The following DAP variants were observed in gnomAD, a reference collection of about 807,000 sequenced individuals.
DAP encodes the protein death associated protein, also known as death-associated protein 1.
A neutral mutation model predicts 13.8 loss-of-function variants in DAP; 8 were observed. That is an observed-to-expected ratio of 0.58 (90% CI 0.34 to 1.05). DAP has a LOEUF of 1.05. Among genes scored for constraint, DAP ranks in the 50% least tolerant of loss-of-function variants. The pLI is 0.03. For missense variants in DAP, 106 were observed against 133.2 expected (o/e 0.80, Z 1.01); for synonymous variants, 47 against 47.5 (o/e 0.99, Z 0.04).
intron 2 of DAP, among the ~76,000 whole-genome samples, chr5:10,730,675 G>C (rs565025639): frequency 7.1e-6 from 1 of 141,236 alleles, no homozygotes; most frequent in East Asian, 2.3e-4. Context: ...GAGAGCCCTG[G>C]TGGGGGGGAA....
At chr5:10,733,249 C>A (rs912584958) in intron 2 of DAP, among the ~76,000 whole-genome samples, 1 of 150,336 alleles carries the variant, frequency 6.7e-6, no homozygotes, top group South Asian at 2.1e-4. Flanking sequence ...TTGATGGGCA[C>A]GTGAGTTGCT....
rs544174540 is a variant in DAP, at chr5:10,688,392, T to TTAAG, written c.153-4825_153-4822dup. 2.3e-4 allele frequency among the ~76,000 whole-genome samples: 35 copies of TTAAG among 150,826 alleles called. 1 individual carries two copies. In the South Asian group the frequency reaches 6.3e-3, roughly 27 times the overall value. On this transcript the variant is annotated intron_variant, in intron 2 of 3. Coordinates refer to ENST00000230895, the MANE Select transcript of DAP (RefSeq NM_004394.3). ...ATTTTTAAATTTTTAAAATTTTAAA[T>TTAAG]TAAGTTATGCATTGTTTTTTAGACG...
chr5:10,714,033 G>A (rs530199053), intron 2 of DAP, among the ~76,000 whole-genome samples: 3 of 139,162 alleles, frequency 2.2e-5, no homozygotes, highest in East Asian at 2.2e-4. Flanking sequence ...GTGTAGAACC[G>A]TGAGAGTCAC....
intron 2 of DAP, among the ~76,000 whole-genome samples, chr5:10,685,910 A>G (rs1272226576): frequency 6.6e-6 from 1 of 151,332 alleles, no homozygotes; most frequent in Non-Finnish European, 1.5e-5. Context: ...ATATATAAAC[A>G]CCCTCCCCTC....
intron 2 of DAP, among the ~76,000 whole-genome samples, chr5:10,689,773 G>T (rs1312293238): frequency 1.3e-5 from 2 of 152,174 alleles, no homozygotes; most frequent in African/African-American, 4.8e-5. Flanking sequence ...CAAGACTGAG[G>T]GTCTGATGCC....
intron 2 of DAP, among the ~76,000 whole-genome samples, chr5:10,684,755 GAC>G (rs1738114343): frequency 6.6e-6 from 1 of 152,098 alleles, no homozygotes; most frequent in African/African-American, 2.4e-5. Flanking sequence ...AAAACATCAG[GAC>G]ACAGTTTGAG....
At chr5:10,708,350 ACACAGACGCACATACACACATG>A (rs1178919892) in intron 2 of DAP, among the ~76,000 whole-genome samples, 1 of 151,022 alleles carries the variant, frequency 6.6e-6, no homozygotes, top group Non-Finnish European at 1.5e-5. Flanking sequence ...ACACAGATAC[ACACAGACGCACATACACACATG>A]CACAGACATA....
intron 3 of DAP, among the ~76,000 whole-genome samples, chr5:10,682,032 G>T (rs974934133): frequency 2.0e-5 from 3 of 151,098 alleles, no homozygotes; most frequent in African/African-American, 7.3e-5. Context: ...ATCCCTGTAG[G>T]AAGCATGGTG....
At chr5:10,700,489 G>C (rs1320128219) in intron 2 of DAP, among the ~76,000 whole-genome samples, 1 of 152,202 alleles carries the variant, frequency 6.6e-6, no homozygotes, top group African/African-American at 2.4e-5. Flanking sequence ...GAGTCGTTAG[G>C]GATGGGAGAA....
intron 1 of DAP, among the ~76,000 whole-genome samples, chr5:10,759,790 T>G (rs2111408490): frequency 6.8e-6 from 1 of 146,984 alleles, no homozygotes; most frequent in South Asian, 2.2e-4. Context: ...TCGCTCGCTT[T>G]GTCGCCAAGG....
At chr5:10,712,542 G>A (rs891999242) in intron 2 of DAP, among the ~76,000 whole-genome samples, 2 of 152,160 alleles carry the variant, frequency 1.3e-5, no homozygotes, top group African/African-American at 2.4e-5. Flanking sequence ...GTATTCTGCC[G>A]AGTAGATTCT....
rs187325579 is a variant in DAP at position 10,696,883 on chromosome 5, A to G, written c.153-13312T>C. On this transcript the variant is annotated intron_variant, in intron 2 of 3. Coordinates refer to ENST00000230895, the MANE Select transcript of DAP (RefSeq NM_004394.3). ...CATTACTATGAGAAAAGGTTCCCCC[A>G]GCACCAAAGAGTGGGAATCCCTGTC... 9.8e-5 allele frequency among the ~76,000 whole-genome samples: 15 copies of G among 152,328 alleles called. No homozygotes were observed. The East Asian group carries it at 2.7e-3, about 27-fold the overall frequency.
chr5:10,744,474 G>A (rs1739852091), intron 2 of DAP, among the ~76,000 whole-genome samples: 1 of 152,212 alleles, frequency 6.6e-6, no homozygotes, highest in Admixed American at 6.5e-5. Flanking sequence ...TACTGACGGT[G>A]AGGCTGCAAA....
rs1190131749 is a variant in DAP, at chr5:10,679,707, G to A, written c.*1349C>T. On this transcript the variant is annotated 3_prime_UTR_variant, in exon 4 of 4. Transcript: ENST00000230895. ...TGGGAAACCAAACACCGTCTTTCAA[G>A]TGTGAGGCTGTGCCATGCTCCCTCA... 2 of 152,512 alleles carry A rather than the reference G, an allele frequency of 1.3e-5. No individual in the cohort carries two copies. Among genetic ancestry groups the A allele is most frequent in the Non-Finnish European group, 2.9e-5 (2 of 68,142 alleles). 9.4% of individuals were successfully genotyped at this position (152,512 alleles called of 1,614,324 possible).
In DAP at chr5:10,679,838, C is replaced by A. The variant is rs983737132; in HGVS notation, c.*1218G>T. The A allele has an allele frequency of 6.6e-6, 1 of 152,376 alleles. No individual in the cohort carries two copies. Among genetic ancestry groups the A allele is most frequent in the Non-Finnish European group, 1.5e-5 (1 of 68,054 alleles). The allele number at this position is 152,376 out of a possible 1,614,324, so 9.4% of individuals were successfully genotyped here. On this transcript the variant is annotated 3_prime_UTR_variant, in exon 4 of 4. Coordinates refer to ENST00000230895, the MANE Select transcript of DAP (RefSeq NM_004394.3). ...AAGGCTGGTGGTTGGCAGCTGCTCACGACACAGTTGCTGACCTGCAGCAGA... is the reference window on the plus strand; with the variant it reads ...AAGGCTGGTGGTTGGCAGCTGCTCAAGACACAGTTGCTGACCTGCAGCAGA...
chr5:10,719,231 G>A (rs1739072891), intron 2 of DAP, among the ~76,000 whole-genome samples: 1 of 152,218 alleles, frequency 6.6e-6, no homozygotes, highest in Admixed American at 6.5e-5. Flanking sequence ...TCATTTTGAT[G>A]TGTTACTCTG....
Position 10,748,169 on chromosome 5 carries a change from T to A in DAP, c.152+6A>T. On this transcript the variant is annotated splice_donor_region_variant and intron_variant, in intron 2 of 3. Transcript: ENST00000230895. ...ACATGCTCAAGAGTCGCTAGCATCA[T>A]CCCACCTGGGGCTTTCCCATTCCTG... The A allele has an allele frequency of 6.3e-7, 1 of 1,599,422 alleles. No individual in the cohort carries two copies. Among genetic ancestry groups the A allele is most frequent in the Non-Finnish European group, 8.6e-7 (1 of 1,166,640 alleles).
chr5:10,685,565 T>C (rs1738135769), intron 2 of DAP, among the ~76,000 whole-genome samples: 1 of 152,218 alleles, frequency 6.6e-6, no homozygotes, highest in African/African-American at 2.4e-5. Context: ...TTAACGTCGT[T>C]TGGAATGTTC....
intron 2 of DAP, among the ~76,000 whole-genome samples, chr5:10,703,889 C>G (rs1487784072): frequency 6.6e-6 from 1 of 152,232 alleles, no homozygotes; most frequent in Non-Finnish European, 1.5e-5. Flanking sequence ...TGCTGGGGGC[C>G]AGGCACTGGC....
Sources: gnomAD v4.1 joint callset for allele counts (sites outside exome capture counted in the v4.1 genomes callset) on GRCh38, gnomAD v4.1.1 for gene constraint, MANE v1.5 for transcripts, NCBI Gene and HGNC (gene_info 2026-07-23, HGNC 2026-07-21) for gene names.